Variants in CCSER1 observed in about 807,000 individuals in gnomAD.
The protein encoded by CCSER1 is coiled-coil serine rich protein 1.
Under a neutral mutation model 82.0 loss-of-function variants are expected in CCSER1, and 41 were observed. That is an observed-to-expected ratio of 0.50 (90% CI 0.39 to 0.65). The LOEUF (loss-of-function observed/expected upper bound fraction) is 0.65. Ranked by LOEUF, CCSER1 falls within the 30% of genes least tolerant of loss-of-function variation. The pLI is 0.00. For missense variants in CCSER1, 1,119 were observed against 1,064.2 expected (o/e 1.05, Z -0.72); for synonymous variants, 414 against 383.9 (o/e 1.08, Z -0.92).
intron 6 of CCSER1, among the ~76,000 whole-genome samples, chr4:90,654,844 A>G (rs1729423936): frequency 6.6e-6 from 1 of 152,128 alleles, no homozygotes; most frequent in Non-Finnish European, 1.5e-5. Context: ...GATGCTGGCT[A>G]TATAATAAAT....
intron 2 of CCSER1, among the ~76,000 whole-genome samples, chr4:90,312,184 T>C (rs565877944): frequency 6.6e-6 from 1 of 152,210 alleles, no homozygotes; most frequent in South Asian, 2.1e-4. Flanking sequence ...TCAAAGGCTG[T>C]GTAGGGCTGG....
chr4:90,995,469 G>A (rs905698098), intron 9 of CCSER1, among the ~76,000 whole-genome samples: 2 of 151,994 alleles, frequency 1.3e-5, no homozygotes, highest in Non-Finnish European at 2.9e-5. Context: ...ACATCTTCCT[G>A]TAGAGATTCT....
At chr4:90,810,662 A>ACAACAG (rs1554018685) in intron 7 of CCSER1, among the ~76,000 whole-genome samples, 17 of 150,870 alleles carry the variant, frequency 1.1e-4, no homozygotes, top group African/African-American at 3.2e-4. Context: ...AACAACAACA[A>ACAACAG]CAACAACAAC....
In CCSER1 at chr4:90,541,972, A is replaced by T. The variant is rs184183668; in HGVS notation, c.1724+73618A>T. On this transcript the variant is annotated intron_variant, in intron 5 of 10. Transcript: ENST00000509176. ...TTATTTATTTCTTAAAAATTTGAGA[A>T]TCAGATACTTATCAATTTACTTTTT... Among the ~76,000 whole-genome samples the T allele has an allele frequency of 6.6e-5, 10 of 152,132 alleles. 1 individual carries two copies. In the East Asian group the frequency reaches 1.9e-3, roughly 29 times the overall value.
chr4:90,147,481 A>T, intron 1 of CCSER1, among the ~76,000 whole-genome samples: 1 of 152,154 alleles, frequency 6.6e-6, no homozygotes, highest in East Asian at 1.9e-4. Flanking sequence ...GTAATTATAG[A>T]TATAAAAGTA....
intron 1 of CCSER1, among the ~76,000 whole-genome samples, chr4:90,232,775 A>G (rs1410644088): frequency 1.4e-3 from 204 of 150,510 alleles, no homozygotes; most frequent in Non-Finnish European, 2.6e-3. Context: ...ACAAATTTAC[A>G]AGAAAAAAAC....
At chr4:91,330,712 T>C (rs1746893063) in intron 10 of CCSER1, among the ~76,000 whole-genome samples, 2 of 152,178 alleles carry the variant, frequency 1.3e-5, no homozygotes, top group Admixed American at 1.3e-4. Context: ...GGCTCAGCTT[T>C]TAGGTACTTT....
chr4:90,318,544 A>T (rs1175032596), intron 3 of CCSER1, among the ~76,000 whole-genome samples: 1 of 152,238 alleles, frequency 6.6e-6, no homozygotes, highest in Non-Finnish European at 1.5e-5. Context: ...TAGAAGAACA[A>T]ATCCGATTTA....
At chr4:91,143,101 C>T (rs1215615959) in intron 10 of CCSER1, among the ~76,000 whole-genome samples, 1 of 152,046 alleles carries the variant, frequency 6.6e-6, no homozygotes, top group African/African-American at 2.4e-5. Context: ...TTGATTCTTC[C>T]AATCCATGAA....
At chr4:90,522,604 T>C (rs1422485956) in intron 5 of CCSER1, among the ~76,000 whole-genome samples, 1 of 152,158 alleles carries the variant, frequency 6.6e-6, no homozygotes, top group East Asian at 1.9e-4. Context: ...ACATGGCCAG[T>C]AAACTCTAAG....
At chr4:91,182,940 T>C (rs1405910148) in intron 10 of CCSER1, among the ~76,000 whole-genome samples, 1 of 152,248 alleles carries the variant, frequency 6.6e-6, no homozygotes, top group African/African-American at 2.4e-5. Flanking sequence ...TTAGCTTCTT[T>C]CCAGGTAATG....
rs574263226 is a variant in CCSER1, at chr4:90,211,949, G to A, written c.-42+84118G>A. Among the ~76,000 whole-genome samples, 6 of 152,214 alleles carry A rather than the reference G, an allele frequency of 3.9e-5. No homozygotes were observed. In the East Asian group the frequency reaches 9.6e-4, roughly 24 times the overall value. On this transcript the variant is annotated intron_variant, in intron 1 of 10. Transcript: ENST00000509176. Reference sequence around the variant, plus strand: ...AGAATACTTCTTTAACAGGACAAACGATCTTAGCAGAATGTCAAGTTCAAG... The same window carrying A: ...AGAATACTTCTTTAACAGGACAAACAATCTTAGCAGAATGTCAAGTTCAAG...
At chr4:90,865,052 C>A (rs547513209) in intron 8 of CCSER1, among the ~76,000 whole-genome samples, 2 of 152,132 alleles carry the variant, frequency 1.3e-5, no homozygotes, top group South Asian at 4.1e-4. Flanking sequence ...ATCTAGGCAG[C>A]ACTTTTTCAT....
intron 10 of CCSER1, among the ~76,000 whole-genome samples, chr4:91,561,327 G>A (rs1052342085): frequency 2.6e-5 from 4 of 151,218 alleles, no homozygotes; most frequent in African/African-American, 9.7e-5. Flanking sequence ...AATACACTTG[G>A]GTGTCATATT....
At chr4:90,726,138 A>G (rs1315511762) in intron 7 of CCSER1, among the ~76,000 whole-genome samples, 2 of 151,972 alleles carry the variant, frequency 1.3e-5, no homozygotes, top group Non-Finnish European at 2.9e-5. Flanking sequence ...TACTAGAAGA[A>G]ATGTATTTAC....
chr4:91,486,503 C>G (rs1340395919), intron 10 of CCSER1, among the ~76,000 whole-genome samples: 1 of 152,038 alleles, frequency 6.6e-6, no homozygotes, highest in African/African-American at 2.4e-5. Flanking sequence ...CAGCAAAATA[C>G]ACAAAAGTAA....
chr4:91,249,892 A>G (rs1483433607), intron 10 of CCSER1, among the ~76,000 whole-genome samples: 1 of 152,068 alleles, frequency 6.6e-6, no homozygotes, highest in East Asian at 1.9e-4. Context: ...GAACTTGGCA[A>G]ATTCTTGACA....
At chr4:90,690,739 A>AT (rs543983241) in intron 6 of CCSER1, among the ~76,000 whole-genome samples, 1 of 151,950 alleles carries the variant, frequency 6.6e-6, no homozygotes, top group East Asian at 1.9e-4. Context: ...TGCCTCCTTA[A>AT]TTTTTTTTAT....
intron 1 of CCSER1, among the ~76,000 whole-genome samples, chr4:90,248,158 A>G (rs1721777885): frequency 1.3e-5 from 2 of 152,330 alleles, no homozygotes; most frequent in South Asian, 2.1e-4. Flanking sequence ...AATAAAACAC[A>G]TGGTAAATTG....
Sources: gnomAD v4.1 joint callset for allele counts (sites outside exome capture counted in the v4.1 genomes callset) on GRCh38, gnomAD v4.1.1 for gene constraint, MANE v1.5 for transcripts, NCBI Gene and HGNC (gene_info 2026-07-23, HGNC 2026-07-21) for gene names.